LMBRD1: variants seen among roughly 807,000 people sequenced by gnomAD.
LMBRD1 encodes the protein LMBR1 domain containing 1.
A neutral mutation model predicts 74.8 loss-of-function variants in LMBRD1; 64 were observed. The observed-to-expected ratio is 0.86, with a 90% CI of 0.70 to 1.05. The LOEUF (loss-of-function observed/expected upper bound fraction) is 1.05, where lower values mean the gene tolerates loss of function less well. Among genes scored for constraint, LMBRD1 ranks in the 50% least tolerant of loss-of-function variants. The pLI is 0.00. For synonymous variants in LMBRD1, 204 were observed against 216.3 expected (o/e 0.94, Z 0.50); for missense variants, 652 against 645.9 (o/e 1.01, Z -0.10).
chr6:69,764,546 T>C (rs1364674005), intron 3 of LMBRD1, among the ~76,000 whole-genome samples: 2 of 152,212 alleles, frequency 1.3e-5, no homozygotes, highest in East Asian at 1.9e-4. Context: ...GTATATCTCA[T>C]TGAAAACGTA....
intron 12 of LMBRD1, among the ~76,000 whole-genome samples, chr6:69,700,082 G>A (rs1053998385): frequency 1.1e-4 from 16 of 151,750 alleles, no homozygotes; most frequent in African/African-American, 3.9e-4. Flanking sequence ...TCATGACAGA[G>A]ATACTCAAAG....
chr6:69,782,521 G>C (rs908835286), intron 2 of LMBRD1, among the ~76,000 whole-genome samples: 7 of 152,074 alleles, frequency 4.6e-5, no homozygotes, highest in African/African-American at 1.7e-4. Flanking sequence ...ATTGCTTGAG[G>C]TCAGGAGTTT....
chr6:69,708,808 A>G (rs1223337869), intron 9 of LMBRD1, among the ~76,000 whole-genome samples: 1 of 152,248 alleles, frequency 6.6e-6, no homozygotes, highest in Non-Finnish European at 1.5e-5. Flanking sequence ...CATAACTTCT[A>G]AGAAATTTAA....
chr6:69,680,553 TA>T (rs928081756), intron 14 of LMBRD1, among the ~76,000 whole-genome samples: 198 of 147,042 alleles, frequency 1.3e-3, no homozygotes, highest in African/African-American at 5.3e-3. Context: ...ATATCTTAAA[TA>T]TTTTTTTGAT....
intron 3 of LMBRD1, among the ~76,000 whole-genome samples, chr6:69,771,540 A>G (rs1044029623): frequency 6.6e-6 from 1 of 152,164 alleles, no homozygotes; most frequent in Non-Finnish European, 1.5e-5. Flanking sequence ...GGAGGGAATT[A>G]CATAAGGGCA....
At chr6:69,678,428 T>A (rs1765592155) in intron 14 of LMBRD1, among the ~76,000 whole-genome samples, 1 of 151,884 alleles carries the variant, frequency 6.6e-6, no homozygotes. Flanking sequence ...CTGAAACTTT[T>A]ATTGAAAAAA....
At chr6:69,772,975 T>C (rs896914575) in intron 3 of LMBRD1, among the ~76,000 whole-genome samples, 2 of 152,178 alleles carry the variant, frequency 1.3e-5, no homozygotes, top group African/African-American at 4.8e-5. Context: ...ACTCCTAACC[T>C]TACGAAGTAG....
intron 7 of LMBRD1, among the ~76,000 whole-genome samples, chr6:69,736,202 G>A (rs985614704): frequency 5.3e-5 from 8 of 151,716 alleles, no homozygotes; most frequent in Admixed American, 4.6e-4. Flanking sequence ...CCCCCCCTCC[G>A]CCGACCCACC....
At chr6:69,727,482 T>A (rs770705011) in intron 7 of LMBRD1, among the ~76,000 whole-genome samples, 3 of 152,194 alleles carry the variant, frequency 2.0e-5, no homozygotes, top group Non-Finnish European at 2.9e-5. Context: ...TACCTCAATT[T>A]TTATCAAATG....
chr6:69,682,668 C>T (rs1485798605), intron 14 of LMBRD1, among the ~76,000 whole-genome samples: 1 of 151,908 alleles, frequency 6.6e-6, no homozygotes, highest in Non-Finnish European at 1.5e-5. Flanking sequence ...CAAGGATAGT[C>T]AGATATAAAG....
chr6:69,784,373 G>C (rs1375941263), intron 2 of LMBRD1, among the ~76,000 whole-genome samples: 3 of 152,162 alleles, frequency 2.0e-5, no homozygotes, highest in Non-Finnish European at 4.4e-5. Flanking sequence ...GAAACCTGCT[G>C]CATAACCCAA....
chr6:69,740,188 C>T (rs1342808790), intron 6 of LMBRD1, among the ~76,000 whole-genome samples: 1 of 151,834 alleles, frequency 6.6e-6, no homozygotes, highest in Non-Finnish European at 1.5e-5. Context: ...GGATGAGAGA[C>T]GAAAGGACTA....
intron 3 of LMBRD1, among the ~76,000 whole-genome samples, chr6:69,775,259 G>T (rs112549492): frequency 7.5e-4 from 114 of 152,110 alleles, no homozygotes; most frequent in African/African-American, 2.7e-3. Flanking sequence ...AGTTAATGAG[G>T]ATTATTAATA....
At chr6:69,796,711 G>A (rs947269395) in intron 1 of LMBRD1, 102 bp downstream of exon 1, 74 of 1,088,058 alleles carry the variant, frequency 6.8e-5, no homozygotes, top group Non-Finnish European at 8.9e-5. Flanking sequence ...AGCGGGGCGG[G>A]GCGAAGAGGG....
Position 69,796,793 on chromosome 6 carries a change from ACTCCAAGCGCCTCCC to A in LMBRD1, c.69+5_69+19del. 3 of 1,610,438 alleles carry A rather than the reference ACTCCAAGCGCCTCCC, an allele frequency of 1.9e-6. No individual in the cohort carries two copies. The South Asian group carries it at 3.3e-5, about 18-fold the overall frequency. On this transcript the variant is annotated splice_donor_5th_base_variant and intron_variant, in intron 1 of 15. Coordinates refer to ENST00000649934, the MANE Select transcript of LMBRD1 (RefSeq NM_018368.4). ...CTCCCCCAGTCCAAACATGGGGAAA[ACTCCAAGCGCCTCCC>A]CTACCAGTAGTAAGAGGCCGAATAT...
chr6:69,727,437 G>A (rs184104857), intron 7 of LMBRD1, among the ~76,000 whole-genome samples: 3 of 152,240 alleles, frequency 2.0e-5, no homozygotes, highest in Admixed American at 1.3e-4. Context: ...AGATTAGGGA[G>A]GGATACTCAA....
At chr6:69,766,745 T>C (rs902733162) in intron 3 of LMBRD1, among the ~76,000 whole-genome samples, 2 of 151,664 alleles carry the variant, frequency 1.3e-5, no homozygotes, top group South Asian at 4.1e-4. Flanking sequence ...AATACATAAA[T>C]AGAAATTGGT....
intron 7 of LMBRD1, among the ~76,000 whole-genome samples, chr6:69,726,634 C>A (rs919211729): frequency 1.3e-5 from 2 of 152,114 alleles, no homozygotes; most frequent in Non-Finnish European, 2.9e-5. Context: ...CACAGAAAGA[C>A]AAACATCACA....
chr6:69,791,675 A>C (rs1312342877), intron 1 of LMBRD1, among the ~76,000 whole-genome samples: 1 of 152,232 alleles, frequency 6.6e-6, no homozygotes, highest in Non-Finnish European at 1.5e-5. Flanking sequence ...AAACCACCAA[A>C]CTAGTTTTGC....
Sources: gnomAD v4.1 joint callset for allele counts (sites outside exome capture counted in the v4.1 genomes callset) on GRCh38, gnomAD v4.1.1 for gene constraint, MANE v1.5 for transcripts, NCBI Gene and HGNC (gene_info 2026-07-23, HGNC 2026-07-21) for gene names.